The following PPP3CC variants were observed in gnomAD, a reference collection of about 807,000 sequenced individuals.
The protein encoded by PPP3CC is serine/threonine-protein phosphatase 2B catalytic subunit gamma isoform.
PPP3CC carries 35 observed loss-of-function variants against 60.3 expected under a neutral mutation model. The ratio of observed to expected loss-of-function variants is 0.58; its 90% CI spans 0.44 to 0.77. PPP3CC has a LOEUF of 0.77. PPP3CC is among the 30% of genes least tolerant of loss of function. The pLI, the probability that PPP3CC is intolerant of heterozygous loss-of-function variation, is 0.00. For missense variants in PPP3CC, 570 were observed against 628.9 expected, an observed-to-expected ratio of 0.91 and a Z score of 1.00; for synonymous variants, 206 against 224.3, an observed-to-expected ratio of 0.92 and a Z score of 0.73.
chr8:22,531,110 CAAAAT>C (rs1185371925), intron 10 of PPP3CC, among the ~76,000 whole-genome samples: 1 of 152,094 alleles, frequency 6.6e-6, no homozygotes, highest in African/African-American at 2.4e-5. Context: ...AAACTACTGA[CAAAAT>C]AAATTTGCAA....
chr8:22,515,721 G>A (rs1839226001), intron 6 of PPP3CC, among the ~76,000 whole-genome samples: 1 of 152,074 alleles, frequency 6.6e-6, no homozygotes, highest in East Asian at 1.9e-4. Context: ...GATGATCGGT[G>A]ATATTGAATA....
intron 4 of PPP3CC, among the ~76,000 whole-genome samples, chr8:22,507,848 C>T (rs1563756108): frequency 6.6e-6 from 1 of 152,164 alleles, no homozygotes; most frequent in Non-Finnish European, 1.5e-5. Flanking sequence ...TGCAGTTCTT[C>T]AAATCAGGCA....
chr8:22,483,841 T>TA (rs897292541), intron 3 of PPP3CC, among the ~76,000 whole-genome samples: 10 of 152,044 alleles, frequency 6.6e-5, no homozygotes, highest in African/African-American at 2.4e-4. Flanking sequence ...ATCTTGTAAT[T>TA]AAAAAAAATT....
At chr8:22,504,691 C>T (rs981781578) in intron 4 of PPP3CC, among the ~76,000 whole-genome samples, 2 of 151,026 alleles carry the variant, frequency 1.3e-5, no homozygotes, top group Non-Finnish European at 3.0e-5. Flanking sequence ...TGCCTGCCTC[C>T]CTCCCTCCTT....
intron 3 of PPP3CC, among the ~76,000 whole-genome samples, chr8:22,486,862 T>A (rs532133644): frequency 8.6e-5 from 13 of 151,904 alleles, no homozygotes; most frequent in African/African-American, 2.7e-4. Context: ...CCCGAGTAGC[T>A]GGGATTACAG....
rs189932433 is a variant in PPP3CC, at chr8:22,464,461, C to A, written c.50-10493C>A. Among the ~76,000 whole-genome samples the A allele has an allele frequency of 6.6e-5, 10 of 152,232 alleles. No individual in the cohort carries two copies. The East Asian group carries it at 1.9e-3, about 29-fold the overall frequency. ...GTGGCTGGATCATAGCTCACTGCAG[C>A]CTCAATCTCCTGGGCTCAAGTGATT... On this transcript the variant is annotated intron_variant, in intron 1 of 13. Transcript: ENST00000240139.
At chr8:22,511,332 C>CG (rs1563760972) in intron 5 of PPP3CC, 101 bp downstream of exon 5, 1 of 1,291,354 alleles carries the variant, frequency 7.7e-7, no homozygotes, top group Non-Finnish European at 1.1e-6. Flanking sequence ...CTCTTTCACC[C>CG]GGGCTGAAGT....
At chr8:22,498,860 C>T (rs1484011783) in intron 4 of PPP3CC, among the ~76,000 whole-genome samples, 2 of 151,924 alleles carry the variant, frequency 1.3e-5, no homozygotes, top group Non-Finnish European at 2.9e-5. Context: ...TGCGGTGGCT[C>T]ACGCCTGCAA....
At chr8:22,532,039 C>G (rs1236374499) in intron 10 of PPP3CC, among the ~76,000 whole-genome samples, 186 bp from the exon 11 acceptor site, 2 of 152,168 alleles carry the variant, frequency 1.3e-5, no homozygotes, top group African/African-American at 4.8e-5. Flanking sequence ...TTTTTATCTT[C>G]TGAGTCATTT....
intron 8 of PPP3CC, among the ~76,000 whole-genome samples, chr8:22,526,609 G>A (rs1839568071): frequency 6.6e-6 from 1 of 152,166 alleles, no homozygotes; most frequent in Non-Finnish European, 1.5e-5. Flanking sequence ...CATTTCTGGA[G>A]AACTGTTACA....
chr8:22,461,403 C>T (rs1466290974), intron 1 of PPP3CC, among the ~76,000 whole-genome samples: 2 of 152,124 alleles, frequency 1.3e-5, no homozygotes, highest in South Asian at 2.1e-4. Context: ...TGGGTAAGTT[C>T]CAGCAGTATT....
Position 22,441,483 on chromosome 8 carries a change from C to T in PPP3CC, c.49+25C>T, listed in dbSNP as rs755584099. On this transcript the variant is annotated intron_variant, in intron 1 of 13. Transcript: ENST00000240139. ...GGTGCCTGGCGGGCCGGGCCTTCCT[C>T]TGGGACCCGCGGGAAACGGCCTTCG... 53 of 1,520,682 alleles carry T rather than the reference C, an allele frequency of 3.5e-5. 1 individual carries two copies. The highest frequency in any genetic ancestry group is 3.5e-4 in the Middle Eastern group (2 of 5,764). 94.2% of individuals were successfully genotyped at this position (1,520,682 alleles called of 1,614,324 possible). A position where few individuals can be genotyped will look rare whatever the true frequency, so the allele number is the denominator to read the frequency against.
Position 22,532,921 on chromosome 8 carries a change from G to A in PPP3CC, c.1224G>A (p.Arg408=). Residue 408 remains arginine (R), a splice_region_variant and synonymous_variant, in exon 12 of 14, where the codon CGG becomes CGA. Transcript: ENST00000240139. ...GKMARVFSIL[R]QESESVLTLK... is the part of the protein sequence containing the mutation. ...CCCAGGGTTTGGTCTCCCTTTGCAG[G>A]CAAGAAAGTGAGAGTGTGCTGACTC... 1.3e-6 allele frequency: 2 copies of A among 1,577,988 alleles called. No individual in the cohort carries two copies. The highest frequency in any genetic ancestry group is 1.7e-6 in the Non-Finnish European group (2 of 1,160,200).
chr8:22,473,461 T>G (rs1001683423), intron 1 of PPP3CC, among the ~76,000 whole-genome samples: 24 of 135,976 alleles, frequency 1.8e-4, no homozygotes, highest in African/African-American at 7.0e-4. Context: ...TGGACTTCCC[T>G]TATCCACTTT....
In PPP3CC at chr8:22,532,242, A is replaced by G. The variant is rs1563790639; in HGVS notation, c.1159A>G (p.Lys387Glu). 6.2e-7 allele frequency: 1 copy of G among 1,612,380 alleles called. No individual in the cohort carries two copies. The highest frequency in any genetic ancestry group is 8.5e-7 in the Non-Finnish European group (1 of 1,178,380). ...TCTCTAAGGAAGCACTACAGTTCGTAAGGAGATCATCAGGAATAAGATCAG... is the reference window on the plus strand; with the variant it reads ...TCTCTAAGGAAGCACTACAGTTCGTGAGGAGATCATCAGGAATAAGATCAG... ...DEAEGSTTVR[K>E]EIIRNKIRAI... The change falls in exon 11 of 14, where the codon AAG (lysine) becomes GAG (glutamate). Residue 387 changes from lysine to glutamate, a missense_variant. By Grantham distance (56) the Lys-to-Glu change is moderately conservative (BLOSUM62 1). Transcript: ENST00000240139.
intron 5 of PPP3CC, 77 bp from the exon 6 acceptor site, chr8:22,513,216 T>G (rs1839140569): frequency 3.5e-6 from 5 of 1,438,980 alleles, no homozygotes; most frequent in Non-Finnish European, 4.6e-6. Context: ...AAAGGGGTTT[T>G]TCTTTGACAC....
In PPP3CC at chr8:22,510,894, T is replaced by C. The variant is rs1206057923; in HGVS notation, c.485-192T>C. On this transcript the variant is annotated intron_variant, in intron 4 of 13. Coordinates refer to ENST00000240139, the MANE Select transcript of PPP3CC (RefSeq NM_005605.5). The stretch of plus-strand genomic sequence containing the variant: ...GAAAGTTAATCCAAGGTCACACTTG[T>C]CTTTAAGAGGAGAGAGGTATTGTTA... 5.4e-6 allele frequency: 3 copies of C among 559,682 alleles called. No individual in the cohort carries two copies. The East Asian group carries it at 9.0e-5, about 17-fold the overall frequency. 34.7% of individuals were successfully genotyped at this position (559,682 alleles called of 1,614,324 possible).
chr8:22,527,189 C>T (rs1325253143), intron 8 of PPP3CC, among the ~76,000 whole-genome samples: 1 of 152,160 alleles, frequency 6.6e-6, no homozygotes, highest in Non-Finnish European at 1.5e-5. Context: ...CTTCAGGTAA[C>T]TTTGTTCCTT....
At position 22,477,835 on chromosome 8, in the gene PPP3CC, A is replaced by ATATTTATTTATTTATTTATT. The variant is rs373116798; in HGVS notation, c.372+2221_372+2240dup. Reference sequence around the variant, plus strand: ...TGTATTTAATAAAACAACTTTTAAAATATTTATTTATTTATTTATTTATTT... The same window carrying ATATTTATTTATTTATTTATT: ...TGTATTTAATAAAACAACTTTTAAAATATTTATTTATTTATTTATTTATTTATTTATTTATTTATTTATTT... On this transcript the variant is annotated intron_variant, in intron 3 of 13. Transcript: ENST00000240139. Among the ~76,000 whole-genome samples, 325 of 151,362 alleles carry ATATTTATTTATTTATTTATT rather than the reference A, an allele frequency of 2.1e-3. 1 individual carries two copies. Among genetic ancestry groups the ATATTTATTTATTTATTTATT allele is most frequent in the African/African-American group, 7.3e-3 (299 of 41,136 alleles).
Sources: allele counts gnomAD v4.1 joint callset (sites outside exome capture counted in the v4.1 genomes callset), GRCh38; gene constraint gnomAD v4.1.1; transcripts MANE v1.5; gene names NCBI Gene and HGNC (gene_info 2026-07-23, HGNC 2026-07-21).